ASTN2: variants seen among roughly 807,000 people sequenced by gnomAD.
ASTN2 encodes astrotactin 2, also known as astrotactin-2.
Under a neutral mutation model 139.8 loss-of-function variants are expected in ASTN2, and 54 were observed. The ratio of observed to expected loss-of-function variants is 0.39; its 90% CI spans 0.31 to 0.48. The LOEUF is 0.48. Among genes scored for constraint, ASTN2 ranks in the 20% least tolerant of loss-of-function variants. The pLI is 0.95. For synonymous variants in ASTN2, 756 were observed against 719.5 expected, an observed-to-expected ratio of 1.05 and a Z score of -0.81; for missense variants, 1,565 against 1,725.1, an observed-to-expected ratio of 0.91 and a Z score of 1.64.
At chr9:116,905,661 T>C (rs1222231898) in intron 10 of ASTN2, among the ~76,000 whole-genome samples, 1 of 152,136 alleles carries the variant, frequency 6.6e-6, no homozygotes. Flanking sequence ...TATATTAAAG[T>C]AACAAGACAC....
At chr9:116,915,234 C>T (rs762643135) in intron 10 of ASTN2, among the ~76,000 whole-genome samples, 1 of 152,162 alleles carries the variant, frequency 6.6e-6, no homozygotes, top group African/African-American at 2.4e-5. Flanking sequence ...CCCTAAAAGA[C>T]CAAAAAGTTC....
chr9:116,993,151 C>A (rs1182864498), intron 7 of ASTN2, among the ~76,000 whole-genome samples: 1 of 152,158 alleles, frequency 6.6e-6, no homozygotes, highest in East Asian at 1.9e-4. Flanking sequence ...AATGTTTTTA[C>A]AATGTTCTGC....
intron 11 of ASTN2, among the ~76,000 whole-genome samples, chr9:116,838,751 G>T (rs534436473): frequency 5.0e-4 from 76 of 152,202 alleles, no homozygotes; most frequent in African/African-American, 1.7e-3. Context: ...TCTTTAACTG[G>T]CTGAGAGCCT....
At chr9:116,695,836 G>C (rs1237584141) in intron 16 of ASTN2, among the ~76,000 whole-genome samples, 1 of 152,152 alleles carries the variant, frequency 6.6e-6, no homozygotes, top group Non-Finnish European at 1.5e-5. Flanking sequence ...TTCATGGTTT[G>C]TATTGGGTGA....
intron 5 of ASTN2, among the ~76,000 whole-genome samples, chr9:117,071,465 TTTG>T (rs1828124256): frequency 1.3e-5 from 2 of 150,578 alleles, no homozygotes; most frequent in Non-Finnish European, 3.0e-5. Context: ...TGTCTTTTTG[TTTG>T]TCTGTGCCCT....
At chr9:116,978,016 C>T (rs567211839) in intron 7 of ASTN2, among the ~76,000 whole-genome samples, 3 of 152,090 alleles carry the variant, frequency 2.0e-5, no homozygotes, top group Non-Finnish European at 2.9e-5. Context: ...CACGCCTGGC[C>T]TAGAAATATT....
At position 116,533,543 on chromosome 9, in the gene ASTN2, C is replaced by T. The variant is rs528352996; in HGVS notation, c.3356-46043G>A. Reference sequence around the variant, plus strand: ...ATTTTCAGAAATGTCCCATCAACACCTAATTTACTGAGATTTTTTAGCATG... The same window carrying T: ...ATTTTCAGAAATGTCCCATCAACACTTAATTTACTGAGATTTTTTAGCATG... On this transcript the variant is annotated intron_variant, in intron 19 of 22. Coordinates refer to ENST00000313400, the MANE Select transcript of ASTN2 (RefSeq NM_001365068.1). Among the ~76,000 whole-genome samples, 3 of 152,252 alleles carry T rather than the reference C, an allele frequency of 2.0e-5. No homozygotes were observed. The South Asian group carries it at 6.2e-4, about 32-fold the overall frequency.
intron 5 of ASTN2, among the ~76,000 whole-genome samples, chr9:117,090,751 G>A (rs78037572): frequency 0.14 from 21,737 of 152,212 alleles, 1,629 homozygotes; most frequent in Middle Eastern, 0.19. Flanking sequence ...GGGCCACATG[G>A]AAGGGATGAC....
At chr9:117,024,192 C>G (rs1837982278) in intron 6 of ASTN2, among the ~76,000 whole-genome samples, 1 of 152,108 alleles carries the variant, frequency 6.6e-6, no homozygotes, top group Admixed American at 6.6e-5. Context: ...TGATGTCTAC[C>G]TCAGTGAGAA....
chr9:116,535,025 C>T (rs1157628546), intron 19 of ASTN2, among the ~76,000 whole-genome samples: 2 of 152,148 alleles, frequency 1.3e-5, no homozygotes, highest in Middle Eastern at 3.2e-3. Context: ...TAAGGACTTG[C>T]TTTATGAATC....
intron 17 of ASTN2, among the ~76,000 whole-genome samples, chr9:116,632,665 A>C (rs1238213073): frequency 6.6e-6 from 1 of 152,188 alleles, no homozygotes; most frequent in Non-Finnish European, 1.5e-5. Flanking sequence ...ATCTTTGTAC[A>C]TGGGTTCCCC....
At chr9:117,319,647 G>C (rs1431172038) in intron 1 of ASTN2, among the ~76,000 whole-genome samples, 1 of 151,038 alleles carries the variant, frequency 6.6e-6, no homozygotes, top group African/African-American at 2.4e-5. Context: ...TGTTGGCCAG[G>C]CTGGTCTCAA....
intron 11 of ASTN2, among the ~76,000 whole-genome samples, chr9:116,857,887 G>GT (rs1380431489): frequency 1.3e-5 from 2 of 152,184 alleles, no homozygotes; most frequent in Non-Finnish European, 2.9e-5. Flanking sequence ...ATGATGTTCT[G>GT]AGACTTCTGA....
intron 5 of ASTN2, among the ~76,000 whole-genome samples, chr9:117,044,685 T>C (rs1838680974): frequency 6.6e-6 from 1 of 152,212 alleles, no homozygotes; most frequent in Admixed American, 6.5e-5. Flanking sequence ...ATTACTATGA[T>C]CCAGGCACTG....
chr9:117,103,762 G>C (rs140147328), intron 4 of ASTN2, among the ~76,000 whole-genome samples: 69 of 152,244 alleles, frequency 4.5e-4, no homozygotes, highest in African/African-American at 1.6e-3. Flanking sequence ...GAAATATGTG[G>C]TTCAGGAATG....
At chr9:116,827,043 C>T (rs112293320) in intron 11 of ASTN2, among the ~76,000 whole-genome samples, 2,151 of 152,134 alleles carry the variant, frequency 0.014, 53 homozygotes, top group African/African-American at 0.05. Flanking sequence ...GGAGTGGTGG[C>T]TCATGCTTGT....
intron 1 of ASTN2, among the ~76,000 whole-genome samples, chr9:117,310,803 T>C (rs1827950032): frequency 6.6e-6 from 1 of 152,144 alleles, no homozygotes; most frequent in South Asian, 2.1e-4. Flanking sequence ...GTTTTATTTT[T>C]TGTAGTGATG....
chr9:117,135,207 G>C (rs564800998), intron 4 of ASTN2, among the ~76,000 whole-genome samples: 1 of 152,328 alleles, frequency 6.6e-6, no homozygotes, highest in African/African-American at 2.4e-5. Context: ...TTAAATGTGG[G>C]CTCTGAATTC....
intron 1 of ASTN2, among the ~76,000 whole-genome samples, chr9:117,300,750 G>A (rs1834856259): frequency 6.6e-6 from 1 of 152,186 alleles, no homozygotes; most frequent in East Asian, 1.9e-4. Flanking sequence ...GTGGAGAAGT[G>A]GCAGGGGCCA....
Sources: allele counts gnomAD v4.1 joint callset (sites outside exome capture counted in the v4.1 genomes callset), GRCh38; gene constraint gnomAD v4.1.1; transcripts MANE v1.5; gene names NCBI Gene and HGNC (gene_info 2026-07-23, HGNC 2026-07-21).